Variants in TRIM33 observed in about 807,000 individuals in gnomAD.
TRIM33 encodes E3 ubiquitin-protein ligase TRIM33.
A neutral mutation model predicts 125.4 loss-of-function variants in TRIM33; 20 were observed. That is an observed-to-expected ratio of 0.16 (90% CI 0.11 to 0.23). The LOEUF is 0.23. Among genes scored for constraint, TRIM33 ranks in the 10% least tolerant of loss-of-function variants. The probability of loss-of-function intolerance (pLI) is 1.00; values close to 1 mark genes in which losing one functional copy is unlikely to be tolerated. For synonymous variants in TRIM33, 564 were observed against 513.9 expected, an observed-to-expected ratio of 1.10 and a Z score of -1.32; for missense variants, 920 against 1,411.4, an observed-to-expected ratio of 0.65 and a Z score of 5.58.
chr1:114,426,716 A>G (rs1312262937), intron 8 of TRIM33, among the ~76,000 whole-genome samples: 2 of 152,104 alleles, frequency 1.3e-5, no homozygotes, highest in Non-Finnish European at 2.9e-5. Context: ...CAAAAGGAAA[A>G]TCCATTTCTC....
At chr1:114,455,893 A>C (rs1020010934) in intron 4 of TRIM33, among the ~76,000 whole-genome samples, 2 of 152,204 alleles carry the variant, frequency 1.3e-5, no homozygotes, top group Non-Finnish European at 2.9e-5. Context: ...TCAACCAGCA[A>C]CTGGGGAACT....
chr1:114,461,642 T>C (rs1650008566), intron 4 of TRIM33, among the ~76,000 whole-genome samples: 1 of 152,098 alleles, frequency 6.6e-6, no homozygotes, highest in Non-Finnish European at 1.5e-5. Flanking sequence ...GGAAGGATAA[T>C]GGTTAAACTT....
At chr1:114,478,633 TAATAA>T (rs960650480) in intron 1 of TRIM33, among the ~76,000 whole-genome samples, 1 of 152,106 alleles carries the variant, frequency 6.6e-6, no homozygotes, top group African/African-American at 2.4e-5. Context: ...AGTGTTCAAA[TAATAA>T]AATAATATGG....
At chr1:114,411,783 C>A (rs1652608741) in intron 11 of TRIM33, among the ~76,000 whole-genome samples, 1 of 152,162 alleles carries the variant, frequency 6.6e-6, no homozygotes, top group South Asian at 2.1e-4. Context: ...TAGGTGCTAA[C>A]TGAAGCATTC....
intron 1 of TRIM33, 33 bp downstream of exon 1, chr1:114,510,518 C>A (rs1653279423): frequency 2.1e-6 from 3 of 1,443,722 alleles, no homozygotes; most frequent in Non-Finnish European, 1.8e-6. Context: ...AAATCCCTTG[C>A]GGCCCAGATG....
intron 1 of TRIM33, chr1:114,469,280 A>G: frequency 5.0e-6 from 1 of 201,876 alleles, no homozygotes; most frequent in East Asian, 1.2e-4. Flanking sequence ...GCCAAAGCTG[A>G]CTAATTTGCT....
chr1:114,510,739 G>A lies in TRIM33; in HGVS notation c.338C>T (p.Pro113Leu). Residue 113 changes from proline (P) to leucine (L), a missense_variant, in exon 1 of 20, where the codon CCG (proline) becomes CTG (leucine). Transcript: ENST00000358465. ...SAPAPGPSAG[P>L]PPGPPASLLD... is the part of the protein sequence containing the mutation. ...GAGCGAGGCTGGCGGTCCAGGAGGC[G>A]GCCCTGCCGAGGGACCCGGAGCGGG... 2 of 1,526,776 alleles carry A rather than the reference G, an allele frequency of 1.3e-6. No homozygotes were observed. The highest frequency in any genetic ancestry group is 2.5e-5 in the East Asian group (1 of 40,334). 94.6% of individuals were successfully genotyped at this position (1,526,776 alleles called of 1,614,324 possible).
chr1:114,400,410 G>T (rs1284263260), intron 17 of TRIM33, among the ~76,000 whole-genome samples: 1 of 152,100 alleles, frequency 6.6e-6, no homozygotes, highest in African/African-American at 2.4e-5. Flanking sequence ...CACCATGTTG[G>T]CCAGGCTGGT....
intron 13 of TRIM33, among the ~76,000 whole-genome samples, chr1:114,407,812 C>T (rs944644608): frequency 6.6e-6 from 1 of 152,082 alleles, no homozygotes; most frequent in Non-Finnish European, 1.5e-5. Context: ...CAATTCATTA[C>T]CACAAAAGCA....
At chr1:114,461,753 T>TCTC (rs1167805005) in intron 4 of TRIM33, among the ~76,000 whole-genome samples, 1 of 151,966 alleles carries the variant, frequency 6.6e-6, no homozygotes, top group African/African-American at 2.4e-5. Context: ...CTATAAGAAA[T>TCTC]CTAACACTCA....
At chr1:114,484,791 G>A (rs1651570127) in intron 1 of TRIM33, among the ~76,000 whole-genome samples, 1 of 152,198 alleles carries the variant, frequency 6.6e-6, no homozygotes, top group Non-Finnish European at 1.5e-5. Flanking sequence ...CTTGATCCCA[G>A]GAGGTGGAGG....
chr1:114,508,262 G>T (rs1435058998), intron 1 of TRIM33, among the ~76,000 whole-genome samples: 3 of 152,248 alleles, frequency 2.0e-5, no homozygotes, highest in African/African-American at 7.2e-5. Flanking sequence ...AAAGGATAAA[G>T]AAATGAAGAG....
chr1:114,458,055 C>T (rs142819150), intron 4 of TRIM33, among the ~76,000 whole-genome samples: 345 of 152,338 alleles, frequency 2.3e-3, no homozygotes, highest in Non-Finnish European at 4.2e-3. Flanking sequence ...GCTGTCTTTG[C>T]TCATTCCCAT....
chr1:114,439,015 C>T (rs2101227401), intron 4 of TRIM33, among the ~76,000 whole-genome samples: 1 of 152,240 alleles, frequency 6.6e-6, no homozygotes, highest in East Asian at 1.9e-4. Flanking sequence ...ATGAGAAAGA[C>T]ATTAAAATCC....
chr1:114,434,053 G>C (rs1339184751), intron 4 of TRIM33, among the ~76,000 whole-genome samples: 1 of 152,108 alleles, frequency 6.6e-6, no homozygotes, highest in Admixed American at 6.6e-5. Flanking sequence ...AAATCATAAA[G>C]CGTAACCACA....
intron 1 of TRIM33, among the ~76,000 whole-genome samples, chr1:114,478,397 G>T (rs143808990): frequency 1.5e-3 from 231 of 152,178 alleles, no homozygotes; most frequent in Non-Finnish European, 3.0e-3. Flanking sequence ...TGGGTTGGGG[G>T]TCACACAGCA....
chr1:114,502,316 G>A (rs1320975723), intron 1 of TRIM33, among the ~76,000 whole-genome samples: 1 of 152,054 alleles, frequency 6.6e-6, no homozygotes, highest in East Asian at 1.9e-4. Flanking sequence ...ACAGAGCAGG[G>A]CTCAAACTTC....
intron 1 of TRIM33, among the ~76,000 whole-genome samples, chr1:114,501,084 G>C (rs1428231225): frequency 8.8e-6 from 1 of 113,946 alleles, no homozygotes; most frequent in Admixed American, 8.2e-5. Flanking sequence ...CAGCTACTTG[G>C]GAGGCTGAGG....
intron 4 of TRIM33, among the ~76,000 whole-genome samples, chr1:114,452,930 C>T (rs1415369207): frequency 6.6e-6 from 1 of 151,480 alleles, no homozygotes; most frequent in Admixed American, 6.6e-5. Flanking sequence ...CCAGAAGAGA[C>T]AGAAGACCTG....
Sources: allele counts gnomAD v4.1 joint callset (sites outside exome capture counted in the v4.1 genomes callset), GRCh38; gene constraint gnomAD v4.1.1; transcripts MANE v1.5; gene names NCBI Gene and HGNC (gene_info 2026-07-23, HGNC 2026-07-21).